SLC24A2: variants seen among roughly 807,000 people sequenced by gnomAD.
The protein encoded by SLC24A2 is sodium/potassium/calcium exchanger 2.
Under a neutral mutation model 62.0 loss-of-function variants are expected in SLC24A2, and 36 were observed. The observed-to-expected ratio is 0.58, with a 90% CI of 0.44 to 0.77. The LOEUF (loss-of-function observed/expected upper bound fraction) is 0.77, where lower values mean the gene tolerates loss of function less well. SLC24A2 is among the 30% of genes least tolerant of loss of function. The pLI is 0.00. For synonymous variants in SLC24A2, 358 were observed against 294.0 expected (o/e 1.22, Z -2.23); for missense variants, 846 against 817.9 (o/e 1.03, Z -0.42).
At chr9:19,850,964 TA>T in the SLC24A2 span, among the ~76,000 whole-genome samples, 2 of 25,220 alleles carry the variant, frequency 7.9e-5, no homozygotes, top group East Asian at 4.6e-4. Context: ...TATATATATA[TA>T]TGTATATATA....
chr9:20,060,977 A>G, the SLC24A2 span, among the ~76,000 whole-genome samples: 1 of 152,194 alleles, frequency 6.6e-6, no homozygotes, highest in Non-Finnish European at 1.5e-5. Flanking sequence ...TAAATGTAAC[A>G]AAAGAAACTC....
chr9:19,617,410 C>A (rs1404423024), intron 4 of SLC24A2, among the ~76,000 whole-genome samples: 1 of 152,084 alleles, frequency 6.6e-6, no homozygotes, highest in Non-Finnish European at 1.5e-5. Context: ...ATTGTGCATC[C>A]TATCAGCAAA....
the SLC24A2 span, among the ~76,000 whole-genome samples, chr9:19,843,830 T>C: frequency 6.6e-6 from 1 of 152,148 alleles, no homozygotes; most frequent in Non-Finnish European, 1.5e-5. Context: ...CCAGCTGCAT[T>C]CATGTTGCTG....
chr9:19,576,990 T>C lies in SLC24A2; in HGVS notation c.1162A>G (p.Lys388Glu). The change falls in exon 6 of 11, where the codon AAG becomes GAG. Residue 388 changes from lysine to glutamate, a missense_variant. Transcript: ENST00000341998. ...RFREKASILH[K>E]IAKKKCHVDE... Reference sequence around the variant, plus strand: ...ACATGACATTTCTTCTTGGCGATCTTGTGGAGAATTGAAGCCTTTTCTCTG... The same window carrying C: ...ACATGACATTTCTTCTTGGCGATCTCGTGGAGAATTGAAGCCTTTTCTCTG... 1 of 1,614,148 alleles carries C rather than the reference T, an allele frequency of 6.2e-7. No individual in the cohort carries two copies. Among genetic ancestry groups the C allele is most frequent in the Non-Finnish European group, 8.5e-7 (1 of 1,179,984 alleles).
intron 7 of SLC24A2, 85 bp from the exon 8 acceptor site, chr9:19,550,353 A>T: frequency 7.2e-7 from 1 of 1,390,296 alleles, no homozygotes; most frequent in Non-Finnish European, 1.0e-6. Flanking sequence ...AACAAAGGGG[A>T]AGCTCCATGT....
At chr9:20,079,285 A>T in the SLC24A2 span, among the ~76,000 whole-genome samples, 3 of 152,172 alleles carry the variant, frequency 2.0e-5, no homozygotes, top group Non-Finnish European at 4.4e-5. Context: ...TAAGCCACAA[A>T]ATTTATGGTA....
chr9:19,509,176 T>C lies in SLC24A2; in HGVS notation c.*6977A>G, dbSNP rs1174913469. On this transcript the variant is annotated 3_prime_UTR_variant, in exon 11 of 11. Transcript: ENST00000341998. Reference sequence around the variant, plus strand: ...GTGAACTTTGCTTTATATAACAAAATGGATTCCTGAAAAAAATCTACAATT... The same window carrying C: ...GTGAACTTTGCTTTATATAACAAAACGGATTCCTGAAAAAAATCTACAATT... 1 of 152,194 alleles carries C rather than the reference T, an allele frequency of 6.6e-6. No individual in the cohort carries two copies. The highest frequency in any genetic ancestry group is 2.4e-5 in the African/African-American group (1 of 41,460). The allele number at this position is 152,194 out of a possible 1,614,324, so 9.4% of individuals were successfully genotyped here. A position where few individuals can be genotyped will look rare whatever the true frequency, so the allele number is the denominator to read the frequency against.
chr9:19,792,536 CAAAAAAA>C (rs1165695410), upstream of SLC24A2, among the ~76,000 whole-genome samples: 9 of 74,592 alleles, frequency 1.2e-4, no homozygotes, highest in South Asian at 5.8e-4. Context: ...ACTAAAAATA[CAAAAAAA>C]AAAAAAAAAA....
At chr9:19,857,623 T>C in the SLC24A2 span, among the ~76,000 whole-genome samples, 1 of 152,232 alleles carries the variant, frequency 6.6e-6, no homozygotes. Flanking sequence ...TTTGAAGCTA[T>C]TATAAATGGA....
At chr9:19,546,262 C>T (rs112543906) in intron 8 of SLC24A2, among the ~76,000 whole-genome samples, 10 of 152,194 alleles carry the variant, frequency 6.6e-5, no homozygotes, top group Admixed American at 3.9e-4. Flanking sequence ...TAGGCAGGGA[C>T]GTTTAAGTCT....
chr9:19,834,559 G>C, the SLC24A2 span, among the ~76,000 whole-genome samples: 1 of 152,182 alleles, frequency 6.6e-6, no homozygotes, highest in Non-Finnish European at 1.5e-5. Context: ...AAGCCTCCAA[G>C]AAATATGGGA....
intron 8 of SLC24A2, 121 bp from the exon 9 acceptor site, chr9:19,528,259 T>A: frequency 1.4e-6 from 1 of 736,412 alleles, no homozygotes; most frequent in Middle Eastern, 2.5e-4. Flanking sequence ...CTTAGTAGGA[T>A]TGGCAATCAA....
At chr9:19,647,048 CCACACACACACACACGCGCG>C (rs765530217) in intron 2 of SLC24A2, among the ~76,000 whole-genome samples, 7,039 of 121,980 alleles carry the variant, frequency 0.058, 224 homozygotes, top group South Asian at 0.069. Flanking sequence ...CTCTCTCTTT[CCACACACACACACACGCGCG>C]CACACACACA....
At chr9:20,302,446 T>C in the SLC24A2 span, among the ~76,000 whole-genome samples, 6,374 of 152,316 alleles carry the variant, frequency 0.042, 170 homozygotes, top group Non-Finnish European at 0.057. Flanking sequence ...TGTAATGGTA[T>C]CTCATTGTTT....
chr9:20,234,905 G>T, the SLC24A2 span, among the ~76,000 whole-genome samples: 1 of 152,094 alleles, frequency 6.6e-6, no homozygotes, highest in East Asian at 1.9e-4. Context: ...TGGGTTTTTG[G>T]TGTGGATGTC....
chr9:19,649,334 G>GA (rs1818734523), intron 2 of SLC24A2, among the ~76,000 whole-genome samples: 1 of 151,942 alleles, frequency 6.6e-6, no homozygotes, highest in African/African-American at 2.4e-5. Context: ...TCTGTAGCTT[G>GA]AATCGTTACA....
At chr9:20,114,502 A>G in the SLC24A2 span, among the ~76,000 whole-genome samples, 1 of 152,174 alleles carries the variant, frequency 6.6e-6, no homozygotes, top group South Asian at 2.1e-4. Flanking sequence ...TTTCTTATAA[A>G]TGAAATAAAG....
the SLC24A2 span, among the ~76,000 whole-genome samples, chr9:20,179,072 G>A: frequency 7.5e-4 from 114 of 152,210 alleles, no homozygotes; most frequent in African/African-American, 2.7e-3. Flanking sequence ...GAATTACTGT[G>A]ACCCCCTCTA....
the SLC24A2 span, among the ~76,000 whole-genome samples, chr9:20,290,498 C>T: frequency 3.7e-4 from 56 of 152,318 alleles, no homozygotes; most frequent in East Asian, 6.9e-3. Context: ...TGCCTTTGGC[C>T]GCGGGTCTGT....
Sources: allele counts gnomAD v4.1 joint callset (sites outside exome capture counted in the v4.1 genomes callset), GRCh38; gene constraint gnomAD v4.1.1; transcripts MANE v1.5; gene names NCBI Gene and HGNC (gene_info 2026-07-23, HGNC 2026-07-21).